The following POGLUT2 variants were observed in gnomAD, a reference collection of about 807,000 sequenced individuals.
The protein encoded by POGLUT2 is protein O-glucosyltransferase 2, also known as ER protein 58.
Under a neutral mutation model 57.6 loss-of-function variants are expected in POGLUT2, and 47 were observed. The observed-to-expected ratio is 0.82, with a 90% CI of 0.65 to 1.04. The LOEUF is 1.04. Among genes scored for constraint, POGLUT2 ranks in the 50% least tolerant of loss-of-function variants. POGLUT2 has a pLI of 0.00. For missense variants in POGLUT2, 565 were observed against 614.8 expected, an observed-to-expected ratio of 0.92 and a Z score of 0.86; for synonymous variants, 200 against 218.8, an observed-to-expected ratio of 0.91 and a Z score of 0.76.
chr13:102,785,451 T>TACACAC lies in POGLUT2; in HGVS notation c.1491+775_1491+780dup, dbSNP rs56102018. Among the ~76,000 whole-genome samples, 334 of 148,586 alleles carry TACACAC rather than the reference T, an allele frequency of 2.2e-3. 5 individuals are homozygous for TACACAC. The highest frequency in any genetic ancestry group is 7.2e-3 in the African/African-American group (287 of 40,066). The stretch of plus-strand genomic sequence containing the variant: ...CCTAAAATGTTAAGTCAGCATATGT[T>TACACAC]ACACACACACACACACACACACACA... On this transcript the variant is annotated intron_variant, in intron 9 of 9. Coordinates refer to ENST00000376004, the MANE Select transcript of POGLUT2 (RefSeq NM_024089.3).
rs562005926 is a variant in POGLUT2, at chr13:102,797,144, T to G, written c.183-135A>C. The G allele has an allele frequency of 2.6e-5, 16 of 619,584 alleles. No homozygotes were observed. The East Asian group carries it at 4.2e-4, about 16-fold the overall frequency. 38.4% of individuals were successfully genotyped at this position (619,584 alleles called of 1,614,324 possible). On this transcript the variant is annotated intron_variant, in intron 1 of 9. Transcript: ENST00000376004. ...AACATATGATTGCTTCTTCTTCTCT[T>G]ATGCTTTTAGTACCAGAATGAATAT...
rs76507645 is a variant in POGLUT2, at chr13:102,798,422, A to G, written c.182+67T>C. 9.9e-4 allele frequency: 1,420 copies of G among 1,438,568 alleles called. 17 individuals carry two copies. In the African/African-American group the frequency reaches 0.018, roughly 19 times the overall value. 89.1% of individuals were successfully genotyped at this position (1,438,568 alleles called of 1,614,324 possible). ...TGGAGAAACGAGTTCTTGGAAAGAAAAATCTTAAAGGGAGAAACAGATTTA... is the reference window on the plus strand; with the variant it reads ...TGGAGAAACGAGTTCTTGGAAAGAAGAATCTTAAAGGGAGAAACAGATTTA... On this transcript the variant is annotated intron_variant, in intron 1 of 9. Coordinates refer to ENST00000376004, the MANE Select transcript of POGLUT2 (RefSeq NM_024089.3).
At chr13:102,798,358 A>G (rs1878522266) in intron 1 of POGLUT2, 131 bp downstream of exon 1, 1 of 763,486 alleles carries the variant, frequency 1.3e-6, no homozygotes, top group African/African-American at 1.8e-5. Flanking sequence ...AGCTACAGAG[A>G]AAAATGGGTA....
intron 5 of POGLUT2, 43 bp downstream of exon 5, chr13:102,791,215 A>C (rs774193523): frequency 3.7e-6 from 6 of 1,603,190 alleles, no homozygotes; most frequent in Non-Finnish European, 5.1e-6. Flanking sequence ...CTCACCAAAG[A>C]AAGAAAACCA....
chr13:102,784,576 C>A, intron 9 of POGLUT2, 64 bp from the exon 10 acceptor site: 1 of 965,898 alleles, frequency 1.0e-6, no homozygotes, highest in South Asian at 1.4e-5. Context: ...AGAAGACTTA[C>A]ATTCGTTAAT....
intron 6 of POGLUT2, among the ~76,000 whole-genome samples, chr13:102,789,586 T>C (rs975675173): frequency 6.6e-6 from 1 of 152,176 alleles, no homozygotes; most frequent in Non-Finnish European, 1.5e-5. Flanking sequence ...TTCTGAGCCA[T>C]GTTAACCGTA....
At chr13:102,795,905 G>T (rs1878358800) in intron 2 of POGLUT2, among the ~76,000 whole-genome samples, 1 of 151,992 alleles carries the variant, frequency 6.6e-6, no homozygotes, top group Admixed American at 6.6e-5. Context: ...TTCTGCCTTT[G>T]TATATACACT....
In POGLUT2 at chr13:102,795,312, T is replaced by C. The variant is rs866503480; in HGVS notation, c.388+1492A>G. On this transcript the variant is annotated intron_variant, in intron 2 of 9. Transcript: ENST00000376004. ...GTACAGTGGCTCACGCCTGTAATCC[T>C]AGCACTTTGGGAGACTGAGGTGGGC... 3.4e-5 allele frequency among the ~76,000 whole-genome samples: 5 copies of C among 146,604 alleles called. No homozygotes were observed. In the South Asian group the frequency reaches 8.9e-4, roughly 26 times the overall value.
intron 7 of POGLUT2, 29 bp downstream of exon 7, chr13:102,788,983 A>T: frequency 6.4e-7 from 1 of 1,561,702 alleles, no homozygotes; most frequent in Non-Finnish European, 8.8e-7. Context: ...AAACAAGTGG[A>T]AATAAGCCTT....
At chr13:102,784,601 G>T in intron 9 of POGLUT2, 89 bp from the exon 10 acceptor site, 1 of 819,222 alleles carries the variant, frequency 1.2e-6, no homozygotes, top group Non-Finnish European at 2.1e-6. Context: ...TTCCTGTAAA[G>T]ATGAGAGGGA....
rs1298842074 is a variant in POGLUT2, at chr13:102,797,021, A to T, written c.183-12T>A. ...GAGAAGATGTGAATCTGTGATGAAAAGGCAATGGGGGAGATAAACAGATTT... is the reference window on the plus strand; with the variant it reads ...GAGAAGATGTGAATCTGTGATGAAATGGCAATGGGGGAGATAAACAGATTT... On this transcript the variant is annotated splice_polypyrimidine_tract_variant and intron_variant, in intron 1 of 9. Coordinates refer to ENST00000376004, the MANE Select transcript of POGLUT2 (RefSeq NM_024089.3). 1 of 1,595,158 alleles carries T rather than the reference A, an allele frequency of 6.3e-7. No homozygotes were observed. Among genetic ancestry groups the T allele is most frequent in the Non-Finnish European group, 8.6e-7 (1 of 1,164,538 alleles).
intron 1 of POGLUT2, 31 bp downstream of exon 1, chr13:102,798,458 A>G: frequency 6.6e-7 from 1 of 1,508,992 alleles, no homozygotes; most frequent in Non-Finnish European, 8.9e-7. Flanking sequence ...ACCGCCATCC[A>G]AAATAGGTAA....
At chr13:102,785,152 ATTCTGATTTG>A (rs1649880941) in intron 9 of POGLUT2, among the ~76,000 whole-genome samples, 1 of 152,206 alleles carries the variant, frequency 6.6e-6, no homozygotes, top group Admixed American at 6.5e-5. Flanking sequence ...AACAGCCAAA[ATTCTGATTTG>A]TAGCATGTGC....
In POGLUT2 at chr13:102,793,643, T is replaced by C; in HGVS notation, c.552A>G (p.Gly184=). The change falls in exon 3 of 10, where the codon GGA becomes GGG. Residue 184 remains glycine, a synonymous_variant. Transcript: ENST00000376004. The part of the protein sequence containing the change: ...KIAVEIPKRF[G]QRQSLCHYTL... ...TGTAGTGACATAGGCTCTGCCTCTG[T>C]CCAAATCTTTTTGGGATTTCTACTG... 1 of 1,614,162 alleles carries C rather than the reference T, an allele frequency of 6.2e-7. No individual in the cohort carries two copies. The highest frequency in any genetic ancestry group is 8.5e-7 in the Non-Finnish European group (1 of 1,180,012).
In POGLUT2 at chr13:102,791,107, T is replaced by C. The variant is rs1462482199; in HGVS notation, c.877A>G (p.Asn293Asp). Residue 293 changes from asparagine (N) to aspartate (D), a missense_variant, in exon 6 of 10, where the codon AAC (asparagine) becomes GAC (aspartate). Asn to Asp is a conservative substitution (Grantham distance 23, BLOSUM62 1). Transcript: ENST00000376004. ...TTGCTTTCCCAGGGAGGACCCGTGT[T>C]AGCTTGCACGGACATCATATCCAGA... ...VSLDMMSVQA[N>D]TGPPWESKNS... The C allele has an allele frequency of 1.9e-6, 3 of 1,614,032 alleles. No homozygotes were observed. The highest frequency in any genetic ancestry group is 1.3e-5 in the African/African-American group (1 of 74,906).
intron 1 of POGLUT2, among the ~76,000 whole-genome samples, chr13:102,797,385 C>T (rs138201481): frequency 6.6e-6 from 1 of 152,138 alleles, no homozygotes; most frequent in Non-Finnish European, 1.5e-5. Flanking sequence ...AGATAATGAT[C>T]TTATTTTGAA....
Position 102,788,012 on chromosome 13 carries a change from T to C in POGLUT2, c.1294-89A>G, listed in dbSNP as rs113796537. The C allele has an allele frequency of 7.0e-4, 457 of 654,450 alleles. 6 individuals carry two copies. Among genetic ancestry groups the C allele is most frequent in the South Asian group, 4.8e-3 (215 of 44,716 alleles). 40.5% of individuals were successfully genotyped at this position (654,450 alleles called of 1,614,324 possible). ...AACTGCTCTTCAGAGTATGTATACA[T>C]TGGGGCAACTGTGGGAAATAATATC... On this transcript the variant is annotated intron_variant, in intron 7 of 9. Coordinates refer to ENST00000376004, the MANE Select transcript of POGLUT2 (RefSeq NM_024089.3).
chr13:102,795,177 G>A (rs1370717599), intron 2 of POGLUT2, among the ~76,000 whole-genome samples: 1 of 150,620 alleles, frequency 6.6e-6, no homozygotes, highest in African/African-American at 2.4e-5. Context: ...GCTTGAACCC[G>A]GGAGGCAGAG....
At chr13:102,788,017 G>A (rs996493025) in intron 7 of POGLUT2, 94 bp from the exon 8 acceptor site, 6 of 620,164 alleles carry the variant, frequency 9.7e-6, no homozygotes, top group Middle Eastern at 3.4e-4. Flanking sequence ...ATACATTGGG[G>A]CAACTGTGGG....
Sources: gnomAD v4.1 joint callset for allele counts (sites outside exome capture counted in the v4.1 genomes callset) on GRCh38, gnomAD v4.1.1 for gene constraint, MANE v1.5 for transcripts, NCBI Gene and HGNC (gene_info 2026-07-23, HGNC 2026-07-21) for gene names.